Variants in ATP9B observed in about 807,000 individuals in gnomAD.
The protein encoded by ATP9B is probable phospholipid-transporting ATPase IIB.
ATP9B carries 110 observed loss-of-function variants against 146.1 expected under a neutral mutation model. That is an observed-to-expected ratio of 0.75 (90% CI 0.65 to 0.88). The LOEUF (loss-of-function observed/expected upper bound fraction) is 0.88, where lower values mean the gene tolerates loss of function less well. ATP9B is among the 40% of genes least tolerant of loss of function. The pLI is 0.00. For synonymous variants in ATP9B, 604 were observed against 569.7 expected, an observed-to-expected ratio of 1.06 and a Z score of -0.86; for missense variants, 1,499 against 1,496.4, an observed-to-expected ratio of 1.00 and a Z score of -0.03.
chr18:79,312,087 G>A (rs937986373), intron 15 of ATP9B, among the ~76,000 whole-genome samples: 2 of 152,274 alleles, frequency 1.3e-5, no homozygotes, highest in East Asian at 3.9e-4. Context: ...CGTTGAGACC[G>A]GTCTGCTCAC....
At chr18:79,369,534 A>G (rs1316804584) in intron 26 of ATP9B, among the ~76,000 whole-genome samples, 3 of 43,020 alleles carry the variant, frequency 7.0e-5, no homozygotes, top group African/African-American at 1.9e-4. Flanking sequence ...GTCCGTCTCA[A>G]AAAAAAAAAA....
At chr18:79,091,180 T>G (rs192349629) in intron 1 of ATP9B, among the ~76,000 whole-genome samples, 4 of 152,368 alleles carry the variant, frequency 2.6e-5, no homozygotes, top group Admixed American at 1.3e-4. Context: ...TTTTGGTTAC[T>G]ATAGCTCTGC....
intron 25 of ATP9B, among the ~76,000 whole-genome samples, chr18:79,355,073 A>G (rs116758001): frequency 0.035 from 5,277 of 152,338 alleles, 309 homozygotes; most frequent in African/African-American, 0.12. Context: ...TCCCCAGTGA[A>G]GGGGTAATGA....
Position 79,123,832 on chromosome 18 carries a change from C to G in ATP9B, c.559-2435C>G, listed in dbSNP as rs371786009. On this transcript the variant is annotated intron_variant, in intron 4 of 29. Coordinates refer to ENST00000426216, the MANE Select transcript of ATP9B (RefSeq NM_198531.5). Reference sequence around the variant, plus strand: ...AACTTTTATAACTCAACAACTAAACCTAGGAAAAAGGTAGGTAAAGGATCT... The same window carrying G: ...AACTTTTATAACTCAACAACTAAACGTAGGAAAAAGGTAGGTAAAGGATCT... Among the ~76,000 whole-genome samples, 39 of 152,170 alleles carry G rather than the reference C, an allele frequency of 2.6e-4. No individual in the cohort carries two copies. The East Asian group carries it at 4.8e-3, about 19-fold the overall frequency.
intron 17 of ATP9B, among the ~76,000 whole-genome samples, chr18:79,332,301 C>T (rs538222188): frequency 9.2e-5 from 14 of 152,048 alleles, no homozygotes; most frequent in Admixed American, 2.0e-4. Flanking sequence ...TGGTGGCGGG[C>T]GCCTGTAGTC....
intron 5 of ATP9B, among the ~76,000 whole-genome samples, chr18:79,139,105 T>C (rs2094483142): frequency 6.6e-6 from 1 of 152,200 alleles, no homozygotes; most frequent in African/African-American, 2.4e-5. Flanking sequence ...TGTGTGTGTG[T>C]GTTTGGATAT....
Position 79,069,437 on chromosome 18 carries a change from G to T in ATP9B, c.27G>T (p.Pro9=), listed in dbSNP as rs116790577. 5.1e-3 allele frequency: 7,677 copies of T among 1,519,420 alleles called. 87 individuals are homozygous for T. The highest frequency in any genetic ancestry group is 0.027 in the African/African-American group (1,892 of 69,030). The allele number at this position is 1,519,420 out of a possible 1,614,324, so 94.1% of individuals were successfully genotyped here. MADQIPLY[P]VRSAAAAAAN... Reference sequence around the variant, plus strand: ...TGGCGGACCAGATCCCGCTTTACCCGGTGCGTAGCGCAGCGGCGGCCGCAG... The same window carrying T: ...TGGCGGACCAGATCCCGCTTTACCCTGTGCGTAGCGCAGCGGCGGCCGCAG... The change falls in exon 1 of 30, where the codon CCG becomes CCT. Residue 9 remains proline (P), a synonymous_variant. Coordinates refer to ENST00000426216, the MANE Select transcript of ATP9B (RefSeq NM_198531.5).
At chr18:79,350,943 A>G (rs148876382) in intron 25 of ATP9B, among the ~76,000 whole-genome samples, 137 of 151,914 alleles carry the variant, frequency 9.0e-4, no homozygotes, top group African/African-American at 3.1e-3. Context: ...TAATTTTTGT[A>G]TATTTTTAGT....
intron 4 of ATP9B, among the ~76,000 whole-genome samples, chr18:79,122,909 C>T (rs537905799): frequency 6.6e-6 from 1 of 152,106 alleles, no homozygotes; most frequent in Non-Finnish European, 1.5e-5. Context: ...ATTCTTCACT[C>T]TATTATGGAG....
At chr18:79,325,512 T>A (rs1000269227) in intron 15 of ATP9B, among the ~76,000 whole-genome samples, 4 of 152,218 alleles carry the variant, frequency 2.6e-5, no homozygotes, top group Admixed American at 2.0e-4. Flanking sequence ...TGTGTGTGTG[T>A]TTATTATCCT....
At chr18:79,268,601 C>T (rs1288639100) in intron 12 of ATP9B, among the ~76,000 whole-genome samples, 1 of 152,216 alleles carries the variant, frequency 6.6e-6, no homozygotes, top group East Asian at 1.9e-4. Context: ...TTGCTCCCTT[C>T]TGGACTTACA....
chr18:79,297,450 C>T lies in ATP9B; in HGVS notation c.1412-6154C>T, dbSNP rs748537452. ...CAGGGGCTAGCAAGACGCGGCCCGC[C>T]GTTCTCATCGCGTTATGAGGCACTC... On this transcript the variant is annotated intron_variant, in intron 13 of 29. Transcript: ENST00000426216. Among the ~76,000 whole-genome samples the T allele has an allele frequency of 2.0e-5, 3 of 152,318 alleles. No homozygotes were observed. In the South Asian group the frequency reaches 6.2e-4, roughly 32 times the overall value.
chr18:79,261,572 A>T (rs952744755), intron 12 of ATP9B, among the ~76,000 whole-genome samples: 1 of 152,232 alleles, frequency 6.6e-6, no homozygotes, highest in South Asian at 2.1e-4. Flanking sequence ...CGACCAGTCC[A>T]GGAGGAAACA....
intron 16 of ATP9B, among the ~76,000 whole-genome samples, chr18:79,329,779 C>T (rs2096780251): frequency 6.6e-6 from 1 of 152,232 alleles, no homozygotes; most frequent in Admixed American, 6.5e-5. Context: ...CATTAACACA[C>T]TCAGACCTTC....
At chr18:79,367,854 G>A (rs1010469155) in intron 26 of ATP9B, among the ~76,000 whole-genome samples, 11 of 152,242 alleles carry the variant, frequency 7.2e-5, no homozygotes, top group African/African-American at 1.4e-4. Context: ...AGACATGTCC[G>A]GAGCTTTGAG....
At chr18:79,162,219 T>G (rs886694692) in intron 7 of ATP9B, among the ~76,000 whole-genome samples, 2 of 152,210 alleles carry the variant, frequency 1.3e-5, no homozygotes, top group Non-Finnish European at 2.9e-5. Context: ...CACTGGCAGC[T>G]GGGTGCTTGT....
At chr18:79,329,410 A>T in intron 16 of ATP9B, 108 bp downstream of exon 16, 1 of 1,236,780 alleles carries the variant, frequency 8.1e-7, no homozygotes, top group Non-Finnish European at 1.1e-6. Context: ...CAGGTGCTTT[A>T]TGCTGTTACA....
intron 11 of ATP9B, among the ~76,000 whole-genome samples, chr18:79,224,146 C>G (rs1244492098): frequency 6.6e-6 from 1 of 152,128 alleles, no homozygotes; most frequent in Non-Finnish European, 1.5e-5. Flanking sequence ...ATCAAAATTC[C>G]TAACAGAGAA....
intron 25 of ATP9B, chr18:79,354,617 A>C (rs1023028492): frequency 8.2e-6 from 1 of 121,788 alleles, no homozygotes; most frequent in Admixed American, 8.3e-5. Context: ...CTTCCGGCCC[A>C]GCTCCACTTC....
Sources: allele counts gnomAD v4.1 joint callset (sites outside exome capture counted in the v4.1 genomes callset), GRCh38; gene constraint gnomAD v4.1.1; transcripts MANE v1.5; gene names NCBI Gene and HGNC (gene_info 2026-07-23, HGNC 2026-07-21).